Variants in PPP6R2 observed in about 807,000 individuals in gnomAD.
The protein encoded by PPP6R2 is protein phosphatase 6 regulatory subunit 2, also known as serine/threonine-protein phosphatase 6 regulatory subunit 2.
Under a neutral mutation model 100.2 loss-of-function variants are expected in PPP6R2, and 62 were observed. The observed-to-expected ratio is 0.62, with a 90% CI of 0.50 to 0.76. The LOEUF is 0.76. Ranked by LOEUF, PPP6R2 falls within the 30% of genes least tolerant of loss-of-function variation. The pLI is 0.00. For missense variants in PPP6R2, 1,142 were observed against 1,276.3 expected (o/e 0.89, Z 1.60); for synonymous variants, 525 against 514.7 (o/e 1.02, Z -0.27).
chr22:50,420,877 G>A (rs987911336), intron 8 of PPP6R2, among the ~76,000 whole-genome samples: 1 of 152,214 alleles, frequency 6.6e-6, no homozygotes, highest in African/African-American at 2.4e-5. Context: ...GTCTCAGGAC[G>A]TTTCCGTCGT....
chr22:50,433,853 C>T (rs2063641758), intron 12 of PPP6R2, among the ~76,000 whole-genome samples: 1 of 29,730 alleles, frequency 3.4e-5, no homozygotes. Context: ...GGGCCGGGGG[C>T]ATGGATGCTG....
At chr22:50,376,854 C>T (rs1258480365) in intron 2 of PPP6R2, among the ~76,000 whole-genome samples, 2 of 151,910 alleles carry the variant, frequency 1.3e-5, no homozygotes, top group Non-Finnish European at 2.9e-5. Flanking sequence ...GGTGAAACCC[C>T]GTGTCTACTA....
chr22:50,379,269 G>A (rs2052355859), intron 2 of PPP6R2, among the ~76,000 whole-genome samples: 1 of 152,148 alleles, frequency 6.6e-6, no homozygotes, highest in Admixed American at 6.6e-5. Context: ...GCTAAGAAGG[G>A]TGGATTGCTT....
upstream of PPP6R2, among the ~76,000 whole-genome samples, chr22:50,340,165 T>C (rs972232136): frequency 5.1e-5 from 6 of 118,496 alleles, no homozygotes; most frequent in African/African-American, 1.6e-4. Context: ...GGGCGTGTGG[T>C]GTGTGTGTAG....
chr22:50,437,089 T>C, intron 15 of PPP6R2, 21 bp downstream of exon 15: 2 of 1,549,026 alleles, frequency 1.3e-6, no homozygotes, highest in Non-Finnish European at 1.7e-6. Context: ...GGCCGGCACC[T>C]GCACCCTGCC....
chr22:50,414,330 G>GCCCCCCCCCCCC (rs2060185708), intron 4 of PPP6R2, among the ~76,000 whole-genome samples: 1 of 28,218 alleles, frequency 3.5e-5, no homozygotes, highest in Non-Finnish European at 9.3e-5. Flanking sequence ...CCTGTGCAGT[G>GCCCCCCCCCCCC]GCCCCCCCCC....
At chr22:50,370,719 T>C (rs182021767) in intron 1 of PPP6R2, among the ~76,000 whole-genome samples, 44 of 151,984 alleles carry the variant, frequency 2.9e-4, no homozygotes, top group African/African-American at 8.2e-4. Context: ...CTGCAACCTC[T>C]GCCTCCCGGG....
chr22:50,411,700 C>T (rs577434397), intron 4 of PPP6R2, among the ~76,000 whole-genome samples: 2 of 152,008 alleles, frequency 1.3e-5, no homozygotes, highest in East Asian at 3.9e-4. Flanking sequence ...TTGCAGTGAG[C>T]CGAGATTGTG....
At chr22:50,360,241 TG>T (rs2047509041) in intron 1 of PPP6R2, among the ~76,000 whole-genome samples, 1 of 151,820 alleles carries the variant, frequency 6.6e-6, no homozygotes, top group African/African-American at 2.4e-5. Flanking sequence ...TTAGTAGAGA[TG>T]GGGCTTCACC....
At chr22:50,342,537 T>C (rs949846804), upstream of PPP6R2, among the ~76,000 whole-genome samples, 2 of 152,184 alleles carry the variant, frequency 1.3e-5, no homozygotes, top group African/African-American at 4.8e-5. Context: ...TACCGAATAT[T>C]TGAGCCGCCC....
the PPP6R2 span, among the ~76,000 whole-genome samples, chr22:50,333,068 G>A: frequency 1.3e-5 from 2 of 152,128 alleles, no homozygotes; most frequent in Non-Finnish European, 2.9e-5. Context: ...AAGCCCAGGA[G>A]GTGGAGACTG....
chr22:50,339,729 G>C (rs1482755683), upstream of PPP6R2, among the ~76,000 whole-genome samples: 1 of 138,250 alleles, frequency 7.2e-6, no homozygotes, highest in Non-Finnish European at 1.6e-5. Flanking sequence ...GGTGTGTGTT[G>C]TGTGTGTGGT....
chr22:50,374,947 A>C (rs2148580452), intron 2 of PPP6R2, among the ~76,000 whole-genome samples: 1 of 151,934 alleles, frequency 6.6e-6, no homozygotes, highest in East Asian at 1.9e-4. Context: ...AAAGAAAAAA[A>C]CAAACCCACA....
chr22:50,423,470 G>T lies in PPP6R2; in HGVS notation c.981G>T (p.Ala327=), dbSNP rs780115416. Reference sequence around the variant, plus strand: ...GCCTTCTGTGTTTGCAGAAGAAAGCGATCCTGACCACCATTGGTGTGCTGG... The same window carrying T: ...GCCTTCTGTGTTTGCAGAAGAAAGCTATCCTGACCACCATTGGTGTGCTGG... ...QLLLNPPKKK[A]ILTTIGVLEE... Residue 327 remains alanine, a synonymous_variant, in exon 10 of 24, where the codon GCG becomes GCT. Coordinates refer to ENST00000612753, the MANE Select transcript of PPP6R2 (RefSeq NM_001242898.2). The surrounding 1 kb of genome is among the most constrained non-coding windows in gnomAD (Gnocchi z 4.8). The T allele has an allele frequency of 7.4e-5, 120 of 1,614,080 alleles. No homozygotes were observed. Among genetic ancestry groups the T allele is most frequent in the Non-Finnish European group, 8.9e-5 (105 of 1,180,042 alleles).
At position 50,444,438 on chromosome 22, in the gene PPP6R2, G is replaced by A; in HGVS notation, c.*191G>A. ...CTCTTCTGCCTGAGTGGGCCTCTCA[G>A]GTCACTCGTGCCCTGCTGGAGGACA... On this transcript the variant is annotated 3_prime_UTR_variant, in exon 24 of 24. Coordinates refer to ENST00000612753, the MANE Select transcript of PPP6R2 (RefSeq NM_001242898.2). 1.4e-6 allele frequency: 1 copy of A among 712,322 alleles called. No homozygotes were observed. The highest frequency in any genetic ancestry group is 2.2e-6 in the Non-Finnish European group (1 of 445,084). 44.1% of individuals were successfully genotyped at this position (712,322 alleles called of 1,614,324 possible).
Position 50,437,830 on chromosome 22 carries a change from C to T in PPP6R2, c.1782-13C>T, listed in dbSNP as rs1330186325. The T allele has an allele frequency of 1.9e-6, 3 of 1,552,100 alleles. No homozygotes were observed. Among genetic ancestry groups the T allele is most frequent in the African/African-American group, 2.7e-5 (2 of 73,078 alleles). On this transcript the variant is annotated splice_polypyrimidine_tract_variant and intron_variant, in intron 16 of 23. Coordinates refer to ENST00000612753, the MANE Select transcript of PPP6R2 (RefSeq NM_001242898.2). ...CTGGAGGAACGCTGAAGCCATCCCCCTTGCTCTTGCAGTGCCCCGTTTGAC... is the reference window on the plus strand; with the variant it reads ...CTGGAGGAACGCTGAAGCCATCCCCTTTGCTCTTGCAGTGCCCCGTTTGAC...
chr22:50,439,697 G>A lies in PPP6R2; in HGVS notation c.2129-4G>A. The A allele has an allele frequency of 6.3e-7, 1 of 1,579,300 alleles. No homozygotes were observed. The highest frequency in any genetic ancestry group is 8.6e-7 in the Non-Finnish European group (1 of 1,161,404). On this transcript the variant is annotated splice_polypyrimidine_tract_variant and splice_region_variant and intron_variant, in intron 19 of 23. Coordinates refer to ENST00000612753, the MANE Select transcript of PPP6R2 (RefSeq NM_001242898.2). ...GCCTGACCACTGTGTCTCTCCCCCAGCAGGCGCCATGTGGACGGCAGTGTT... is the reference window on the plus strand; with the variant it reads ...GCCTGACCACTGTGTCTCTCCCCCAACAGGCGCCATGTGGACGGCAGTGTT...
Position 50,419,467 on chromosome 22 carries a change from G to A in PPP6R2, c.845+5G>A. 1 of 1,606,678 alleles carries A rather than the reference G, an allele frequency of 6.2e-7. No homozygotes were observed. The highest frequency in any genetic ancestry group is 8.5e-7 in the Non-Finnish European group (1 of 1,173,516). ...GCTGGAAACCAGGCGGGTTGGGTGA[G>A]TCTCACGAGGAGAAATCGTGTAGAG... On this transcript the variant is annotated splice_donor_5th_base_variant and intron_variant, in intron 8 of 23. Transcript: ENST00000612753.
At chr22:50,351,884 C>T (rs558855163) in intron 1 of PPP6R2, among the ~76,000 whole-genome samples, 2 of 152,134 alleles carry the variant, frequency 1.3e-5, no homozygotes, top group African/African-American at 4.8e-5. Flanking sequence ...AGCTCTGCCT[C>T]CCAGGTTCAT....
Sources: allele counts gnomAD v4.1 joint callset (sites outside exome capture counted in the v4.1 genomes callset), GRCh38; gene constraint gnomAD v4.1.1; non-coding constraint Gnocchi (gnomAD v3.1); transcripts MANE v1.5; gene names NCBI Gene and HGNC (gene_info 2026-07-23, HGNC 2026-07-21).